The following FBXL2 variants were observed in gnomAD, a reference collection of about 807,000 sequenced individuals.
FBXL2 encodes the protein F-box/LRR-repeat protein 2.
Under a neutral mutation model 69.2 loss-of-function variants are expected in FBXL2, and 38 were observed. That is an observed-to-expected ratio of 0.55 (90% CI 0.42 to 0.72). The LOEUF is 0.72. FBXL2 is among the 30% of genes least tolerant of loss of function. The probability of loss-of-function intolerance (pLI) is 0.00; values close to 1 mark genes in which losing one functional copy is unlikely to be tolerated. For missense variants in FBXL2, 354 were observed against 520.3 expected, an observed-to-expected ratio of 0.68 and a Z score of 3.11; for synonymous variants, 192 against 201.3, an observed-to-expected ratio of 0.95 and a Z score of 0.39.
intron 13 of FBXL2, among the ~76,000 whole-genome samples, chr3:33,380,217 C>CT: frequency 7.1e-6 from 1 of 140,896 alleles, no homozygotes; most frequent in African/African-American, 2.7e-5. Flanking sequence ...GAGTGAGACT[C>CT]TGTCTCAAAA....
At position 33,375,356 on chromosome 3, in the gene FBXL2, G is replaced by A. The variant is rs112299788; in HGVS notation, c.726G>A (p.Ser242=). The A allele has an allele frequency of 9.9e-6, 16 of 1,614,038 alleles. No individual in the cohort carries two copies. The highest frequency in any genetic ancestry group is 1.3e-5 in the Non-Finnish European group (15 of 1,180,036). ...GCHRLQALCL[S]GCSNLTDASL... is the part of the protein sequence containing the mutation. Reference sequence around the variant, plus strand: ...ACCGGCTACAGGCTCTCTGCCTTTCGGGTTGCAGCAACCTCACAGATGCCT... The same window carrying A: ...ACCGGCTACAGGCTCTCTGCCTTTCAGGTTGCAGCAACCTCACAGATGCCT... The change falls in exon 10 of 15, where the codon TCG becomes TCA. Residue 242 remains serine, a synonymous_variant. Transcript: ENST00000484457.
At chr3:33,404,990 G>A (rs962524975), downstream of FBXL2, among the ~76,000 whole-genome samples, 1 of 151,988 alleles carries the variant, frequency 6.6e-6, no homozygotes, top group African/African-American at 2.4e-5. Context: ...AAATCTGTAG[G>A]ATTTGTTGTT....
chr3:33,405,326 T>C (rs545831075), downstream of FBXL2, among the ~76,000 whole-genome samples: 1 of 152,182 alleles, frequency 6.6e-6, no homozygotes, highest in Non-Finnish European at 1.5e-5. Flanking sequence ...GAATGAACAA[T>C]AGCAGTGGTC....
chr3:33,377,463 T>A lies in FBXL2; in HGVS notation c.849+130T>A, dbSNP rs186674171. 791 of 849,164 alleles carry A rather than the reference T, an allele frequency of 9.3e-4. 3 individuals are homozygous for A. The highest frequency in any genetic ancestry group is 8.1e-4 in the Non-Finnish European group (417 of 514,942). The allele number at this position is 849,164 out of a possible 1,614,324, so 52.6% of individuals were successfully genotyped here. A position where few individuals can be genotyped will look rare whatever the true frequency, so the allele number is the denominator to read the frequency against. On this transcript the variant is annotated intron_variant, in intron 11 of 14. Transcript: ENST00000484457. ...CAGGCACAAAGTAGAGTAGAACCCT[T>A]GGGGTGTGTACTGCAGTTTTTCCAG...
chr3:33,306,025 A>G (rs969305980), intron 2 of FBXL2, among the ~76,000 whole-genome samples: 1 of 151,920 alleles, frequency 6.6e-6, no homozygotes, highest in Admixed American at 6.6e-5. Context: ...TTCTATTTTA[A>G]TAGTTTCCAT....
chr3:33,289,073 T>G (rs2034957360), intron 1 of FBXL2, among the ~76,000 whole-genome samples: 1 of 152,114 alleles, frequency 6.6e-6, no homozygotes, highest in Non-Finnish European at 1.5e-5. Context: ...AAGCAGGAAT[T>G]GGACTTCATT....
intron 1 of FBXL2, among the ~76,000 whole-genome samples, chr3:33,288,316 T>C (rs997949273): frequency 1.5e-4 from 23 of 152,326 alleles, no homozygotes; most frequent in Admixed American, 9.8e-4. Flanking sequence ...TAGTGACTGT[T>C]CTAGTCAGTG....
At chr3:33,337,307 A>G (rs902717635) in intron 2 of FBXL2, among the ~76,000 whole-genome samples, 4 of 152,202 alleles carry the variant, frequency 2.6e-5, no homozygotes, top group African/African-American at 9.6e-5. Flanking sequence ...AAAGAACTAC[A>G]AATCTATCAG....
At chr3:33,412,731 G>C in the FBXL2 span, 2 of 1,609,634 alleles carry the variant, frequency 1.2e-6, no homozygotes, top group Non-Finnish European at 1.7e-6. Flanking sequence ...CCTAAATCAA[G>C]AAGTCTGTCT....
intron 10 of FBXL2, among the ~76,000 whole-genome samples, chr3:33,376,644 T>G (rs1190962838): frequency 1.3e-5 from 2 of 152,228 alleles, no homozygotes; most frequent in Non-Finnish European, 2.9e-5. Context: ...ACCTGGGAAT[T>G]TCCATAAATG....
At chr3:33,299,623 G>C (rs1245099541) in intron 2 of FBXL2, among the ~76,000 whole-genome samples, 1 of 152,084 alleles carries the variant, frequency 6.6e-6, no homozygotes, top group Admixed American at 6.5e-5. Flanking sequence ...GCTTCTTTGT[G>C]GTAGTGATCA....
intron 1 of FBXL2, among the ~76,000 whole-genome samples, chr3:33,278,979 T>A (rs940158331): frequency 2.0e-5 from 3 of 152,228 alleles, no homozygotes; most frequent in African/African-American, 4.8e-5. Context: ...TTTTCCTTTA[T>A]TTTTACTTCT....
chr3:33,366,686 T>A (rs2041969776), intron 5 of FBXL2, among the ~76,000 whole-genome samples: 1 of 152,054 alleles, frequency 6.6e-6, no homozygotes, highest in Admixed American at 6.6e-5. Context: ...ACAATTTGGC[T>A]GGGTGCGGTG....
At chr3:33,328,801 A>ATGTGTGTGTG (rs60685309) in intron 2 of FBXL2, among the ~76,000 whole-genome samples, 14 of 146,884 alleles carry the variant, frequency 9.5e-5, no homozygotes, top group South Asian at 8.7e-4. Flanking sequence ...GTGTGTGTGC[A>ATGTGTGTGTG]TGTGTGTGTG....
At chr3:33,411,440 AC>A in the FBXL2 span, 1 of 667,192 alleles carries the variant, frequency 1.5e-6, no homozygotes, top group Non-Finnish European at 2.6e-6. Context: ...ACTAGATTAA[AC>A]CTAACTATGT....
At chr3:33,314,597 T>C (rs577117828) in intron 2 of FBXL2, among the ~76,000 whole-genome samples, 15 of 152,348 alleles carry the variant, frequency 9.8e-5, no homozygotes, top group African/African-American at 3.1e-4. Flanking sequence ...TCTACTTTTC[T>C]TGGTACTTTC....
At chr3:33,299,030 T>A (rs2036015168) in intron 2 of FBXL2, among the ~76,000 whole-genome samples, 2 of 150,714 alleles carry the variant, frequency 1.3e-5, no homozygotes, top group African/African-American at 2.4e-5. Context: ...TTTTTAATTT[T>A]ATTTATTTAT....
chr3:33,308,236 A>G (rs2036888829), intron 2 of FBXL2, among the ~76,000 whole-genome samples: 1 of 152,130 alleles, frequency 6.6e-6, no homozygotes, highest in Non-Finnish European at 1.5e-5. Context: ...CTCATCTCAT[A>G]TAGTCCCTAT....
chr3:33,293,846 C>T (rs886102763), intron 1 of FBXL2, among the ~76,000 whole-genome samples: 1 of 152,164 alleles, frequency 6.6e-6, no homozygotes, highest in Admixed American at 6.5e-5. Flanking sequence ...AAACAGAAGT[C>T]TTGAACAACA....
Sources: allele counts gnomAD v4.1 joint callset (sites outside exome capture counted in the v4.1 genomes callset), GRCh38; gene constraint gnomAD v4.1.1; transcripts MANE v1.5; gene names NCBI Gene and HGNC (gene_info 2026-07-23, HGNC 2026-07-21).